The following POLR2B variants were observed in gnomAD, a reference collection of about 807,000 sequenced individuals.
POLR2B encodes the protein DNA-directed RNA polymerase II subunit RPB2.
In POLR2B, 57 loss-of-function variants were observed where a neutral mutation model predicts 144.6. The observed-to-expected ratio is 0.39, with a 90% CI of 0.32 to 0.49. The LOEUF is 0.49. Among genes scored for constraint, POLR2B ranks in the 20% least tolerant of loss-of-function variants. The probability of loss-of-function intolerance (pLI) is 0.83; values close to 1 mark genes in which losing one functional copy is unlikely to be tolerated. For missense variants in POLR2B, 595 were observed against 1,467.4 expected, an observed-to-expected ratio of 0.41 and a Z score of 9.71; for synonymous variants, 442 against 469.8, an observed-to-expected ratio of 0.94 and a Z score of 0.77.
intron 13 of POLR2B, among the ~76,000 whole-genome samples, chr4:57,014,277 C>G (rs1364493476): frequency 1.3e-5 from 2 of 151,972 alleles, no homozygotes; most frequent in African/African-American, 2.4e-5. Flanking sequence ...TCACTGCAAC[C>G]TCTGCCTCCC....
In POLR2B at chr4:57,016,571, C is replaced by T. The variant is rs150590954; in HGVS notation, c.1956-472C>T. 4.2e-3 allele frequency among the ~76,000 whole-genome samples: 636 copies of T among 150,242 alleles called. 9 individuals carry two copies. The highest frequency in any genetic ancestry group is 0.015 in the African/African-American group (609 of 40,994). ...TTAAAATCTATTAATAGTAATAATGCGAAATAACCTATATAATCTAAATTA... is the reference window on the plus strand; with the variant it reads ...TTAAAATCTATTAATAGTAATAATGTGAAATAACCTATATAATCTAAATTA... On this transcript the variant is annotated intron_variant, in intron 14 of 24. Coordinates refer to ENST00000314595, the MANE Select transcript of POLR2B (RefSeq NM_000938.3).
chr4:57,015,800 G>A (rs908963688), intron 14 of POLR2B, 144 bp downstream of exon 14: 24 of 219,336 alleles, frequency 1.1e-4, no homozygotes, highest in South Asian at 5.3e-4. Context: ...CAGCTGTGTC[G>A]CCCATGCTGG....
chr4:57,016,161 C>T (rs145634698), intron 14 of POLR2B, among the ~76,000 whole-genome samples: 2 of 152,118 alleles, frequency 1.3e-5, no homozygotes, highest in African/African-American at 2.4e-5. Context: ...TTCATTGCCC[C>T]GAAAAAACTC....
In POLR2B at chr4:56,978,958, G is replaced by T; in HGVS notation, c.-28G>T. 1 of 1,612,934 alleles carries T rather than the reference G, an allele frequency of 6.2e-7. No individual in the cohort carries two copies. Among genetic ancestry groups the T allele is most frequent in the Non-Finnish European group, 8.5e-7 (1 of 1,179,028 alleles). ...CGGTTTTTGTCTTTTGATTTCAAGA[G>T]TTAGGAGCTCGAGAACCGTTTGGCA... On this transcript the variant is annotated 5_prime_UTR_variant, in exon 1 of 25. Transcript: ENST00000314595.
intron 10 of POLR2B, 129 bp downstream of exon 10, chr4:57,007,131 G>A (rs1053363518): frequency 2.0e-5 from 13 of 647,872 alleles, no homozygotes; most frequent in African/African-American, 1.7e-4. Flanking sequence ...ACTGGGTGCC[G>A]GGTGTGGTGG....
At chr4:56,986,668 A>G (rs1257700108) in intron 2 of POLR2B, 6 of 286,428 alleles carry the variant, frequency 2.1e-5, no homozygotes. Flanking sequence ...TTTTGTATAT[A>G]TATATTTTTT....
At chr4:56,992,753 AG>A (rs1427067149) in intron 3 of POLR2B, among the ~76,000 whole-genome samples, 1 of 151,068 alleles carries the variant, frequency 6.6e-6, no homozygotes, top group East Asian at 2.1e-4. Flanking sequence ...TAGTAGAGAC[AG>A]GGTTTTGCCG....
At chr4:56,985,103 C>A (rs772393535) in intron 1 of POLR2B, among the ~76,000 whole-genome samples, 4 of 152,132 alleles carry the variant, frequency 2.6e-5, no homozygotes, top group Non-Finnish European at 4.4e-5. Context: ...TGACATGAGA[C>A]ATTAGCTTAG....
chr4:56,990,519 C>A (rs1336700632), intron 2 of POLR2B, among the ~76,000 whole-genome samples: 1 of 152,112 alleles, frequency 6.6e-6, no homozygotes, highest in Non-Finnish European at 1.5e-5. Context: ...AAGTATTTTA[C>A]CCCCAAATAT....
intron 1 of POLR2B, chr4:56,985,418 C>G (rs1015707977): frequency 2.1e-5 from 21 of 984,684 alleles, no homozygotes; most frequent in East Asian, 1.1e-4. Context: ...GGATGGCACT[C>G]CCCCCCGCCG....
At position 57,006,885 on chromosome 4, in the gene POLR2B, T is replaced by C. The variant is rs1560478486; in HGVS notation, c.1287T>C (p.Phe429=). The change falls in exon 10 of 25, where the codon TTT becomes TTC. Residue 429 remains phenylalanine (F), a synonymous_variant. Transcript: ENST00000314595. ...AATTTATTGATCGAGGAAAGGATTTTAACTTGGAGTTGGCAATTAAAACAC... is the reference window on the plus strand; with the variant it reads ...AATTTATTGATCGAGGAAAGGATTTCAACTTGGAGTTGGCAATTAAAACAC... ...AQKFIDRGKD[F]NLELAIKTRI... is the part of the protein sequence containing the mutation. 3 of 1,613,676 alleles carry C rather than the reference T, an allele frequency of 1.9e-6. No individual in the cohort carries two copies. Among genetic ancestry groups the C allele is most frequent in the Non-Finnish European group, 2.5e-6 (3 of 1,179,574 alleles).
At chr4:57,005,044 G>A (rs1722974660) in intron 7 of POLR2B, among the ~76,000 whole-genome samples, 1 of 152,090 alleles carries the variant, frequency 6.6e-6, no homozygotes, top group African/African-American at 2.4e-5. Flanking sequence ...AATTGCCTGT[G>A]CTGATGAGTG....
chr4:57,026,674 T>C (rs1017255313), intron 23 of POLR2B, among the ~76,000 whole-genome samples: 2 of 151,878 alleles, frequency 1.3e-5, no homozygotes, highest in African/African-American at 4.8e-5. Context: ...GAGGGAAGAA[T>C]TGCTTGAACC....
chr4:57,023,075 G>A lies in POLR2B; in HGVS notation c.2516-255G>A, dbSNP rs1488335508. On this transcript the variant is annotated intron_variant, in intron 18 of 24. Transcript: ENST00000314595. This position sits in a 1 kb window ranked among gnomAD's most constrained non-coding sequence, Gnocchi z 4.3. ...ACAAAAAACATATCCAAAGTCACTC[G>A]ATAAATGTCTGTCATGGAAGAATCT... Among the ~76,000 whole-genome samples the A allele has an allele frequency of 1.3e-5, 2 of 152,078 alleles. No homozygotes were observed. The highest frequency in any genetic ancestry group is 1.9e-4 in the East Asian group (1 of 5,192).
intron 7 of POLR2B, among the ~76,000 whole-genome samples, chr4:57,000,942 C>T (rs1342523477): frequency 6.6e-6 from 1 of 151,924 alleles, no homozygotes; most frequent in Non-Finnish European, 1.5e-5. Flanking sequence ...GTGATCTGCC[C>T]ACCTCGGCCT....
intron 16 of POLR2B, among the ~76,000 whole-genome samples, chr4:57,019,709 A>G (rs1723479280): frequency 6.6e-6 from 1 of 150,994 alleles, no homozygotes; most frequent in African/African-American, 2.4e-5. Flanking sequence ...ATTGATATCC[A>G]TATAGTCAGC....
Position 57,023,142 on chromosome 4 carries a change from C to CTTTTTTTT in POLR2B, c.2516-185_2516-178dup. ...TTCCAATGTTCTTTTCCTTCATAGA[C>CTTTTTTTT]TTTTTTTTTTGTTTTCTGTGTGGGC... On this transcript the variant is annotated intron_variant, in intron 18 of 24. Coordinates refer to ENST00000314595, the MANE Select transcript of POLR2B (RefSeq NM_000938.3). The surrounding 1 kb of genome is among the most constrained non-coding windows in gnomAD (Gnocchi z 4.3). 4.4e-6 allele frequency: 2 copies of CTTTTTTTT among 452,694 alleles called. No individual in the cohort carries two copies. Among genetic ancestry groups the CTTTTTTTT allele is most frequent in the Non-Finnish European group, 7.8e-6 (2 of 256,408 alleles). 28.0% of individuals were successfully genotyped at this position (452,694 alleles called of 1,614,324 possible).
intron 21 of POLR2B, among the ~76,000 whole-genome samples, 187 bp from the exon 22 acceptor site, chr4:57,024,699 C>T (rs939264978): frequency 2.6e-5 from 4 of 151,934 alleles, no homozygotes; most frequent in African/African-American, 9.7e-5. Flanking sequence ...ATAAAATGAA[C>T]CTTATATATC....
rs1240623882 is a variant in POLR2B at position 57,017,530 on chromosome 4, G to T, written c.2155-30G>T. On this transcript the variant is annotated intron_variant, in intron 15 of 24. Coordinates refer to ENST00000314595, the MANE Select transcript of POLR2B (RefSeq NM_000938.3). The surrounding 1 kb of genome is among the most constrained non-coding windows in gnomAD (Gnocchi z 4.8). ...TTTCCATTAGTGATAGTAACTTTTTGTTGTTTCTGCTTTTCATTTTTACGT... is the reference window on the plus strand; with the variant it reads ...TTTCCATTAGTGATAGTAACTTTTTTTTGTTTCTGCTTTTCATTTTTACGT... 2.6e-6 allele frequency: 4 copies of T among 1,537,474 alleles called. No homozygotes were observed. Among genetic ancestry groups the T allele is most frequent in the Admixed American group, 4.3e-5 (2 of 46,162 alleles).
Sources: gnomAD v4.1 joint callset for allele counts (sites outside exome capture counted in the v4.1 genomes callset) on GRCh38, gnomAD v4.1.1 for gene constraint, Gnocchi (gnomAD v3.1) non-coding constraint, MANE v1.5 for transcripts, NCBI Gene and HGNC (gene_info 2026-07-23, HGNC 2026-07-21) for gene names.